CNBD1: variants seen among roughly 807,000 people sequenced by gnomAD.
The protein encoded by CNBD1 is cyclic nucleotide binding domain containing 1, also known as cyclic nucleotide-binding domain-containing protein 1.
A neutral mutation model predicts 54.4 loss-of-function variants in CNBD1; 71 were observed. The ratio of observed to expected loss-of-function variants is 1.30; its 90% confidence interval spans 1.08 to 1.59. The LOEUF (loss-of-function observed/expected upper bound fraction) is 1.59. CNBD1 is among the 40% of genes most tolerant of loss of function. The pLI is 0.00. For missense variants in CNBD1, 659 were observed against 518.0 expected, an observed-to-expected ratio of 1.27 and a Z score of -2.64; for synonymous variants, 182 against 170.7, an observed-to-expected ratio of 1.07 and a Z score of -0.51.
intron 10 of CNBD1, among the ~76,000 whole-genome samples, chr8:87,372,561 GA>G (rs1810835476): frequency 6.6e-6 from 1 of 151,890 alleles, no homozygotes; most frequent in African/African-American, 2.4e-5. Flanking sequence ...GTTCTTAGAA[GA>G]TTATGATAGG....
intron 2 of CNBD1, among the ~76,000 whole-genome samples, chr8:87,390,592 G>C (rs187963930): frequency 8.2e-5 from 12 of 147,090 alleles, no homozygotes; most frequent in South Asian, 2.1e-4. Flanking sequence ...CAGGAAACAA[G>C]AGGTGCTGGA....
intron 6 of CNBD1, among the ~76,000 whole-genome samples, chr8:87,270,010 A>G (rs1808331319): frequency 6.6e-6 from 1 of 151,996 alleles, no homozygotes; most frequent in East Asian, 1.9e-4. Context: ...GATCCTCAAC[A>G]AAAATACTAG....
intron 6 of CNBD1, among the ~76,000 whole-genome samples, chr8:87,263,449 G>A (rs1808181979): frequency 1.3e-5 from 2 of 152,010 alleles, no homozygotes; most frequent in South Asian, 2.1e-4. Flanking sequence ...GCTGGCTTTG[G>A]TTCCTTAAAG....
intron 8 of CNBD1, among the ~76,000 whole-genome samples, chr8:87,308,077 G>C (rs1018863254): frequency 6.6e-6 from 1 of 151,986 alleles, no homozygotes; most frequent in Non-Finnish European, 1.5e-5. Flanking sequence ...GCCAACAAGC[G>C]ACATTATCTT....
chr8:87,421,163 C>A (rs1339561569), intron 2 of CNBD1, among the ~76,000 whole-genome samples: 1 of 152,020 alleles, frequency 6.6e-6, no homozygotes, highest in Non-Finnish European at 1.5e-5. Flanking sequence ...CCAAATTTTA[C>A]CTTATCTCTG....
chr8:87,355,096 G>A (rs1350625318), intron 10 of CNBD1, among the ~76,000 whole-genome samples: 2 of 152,102 alleles, frequency 1.3e-5, no homozygotes, highest in African/African-American at 4.8e-5. Context: ...AAAGAGTAGA[G>A]ATATTTCACA....
intron 4 of CNBD1, among the ~76,000 whole-genome samples, chr8:87,135,590 A>G (rs1451762376): frequency 1.3e-5 from 2 of 148,292 alleles, no homozygotes; most frequent in Non-Finnish European, 3.0e-5. Flanking sequence ...TATATATGCT[A>G]TATAAACACA....
At chr8:86,924,363 G>C (rs1809324224) in intron 3 of CNBD1, among the ~76,000 whole-genome samples, 1 of 152,140 alleles carries the variant, frequency 6.6e-6, no homozygotes. Context: ...GTGGAAATGG[G>C]GTTGAAAAAG....
chr8:87,303,153 A>T (rs1040944337), intron 8 of CNBD1, among the ~76,000 whole-genome samples: 4 of 152,000 alleles, frequency 2.6e-5, no homozygotes, highest in African/African-American at 9.7e-5. Flanking sequence ...GTTCATATGG[A>T]GCCAAAAAAG....
chr8:87,330,395 G>T (rs1481211379), intron 8 of CNBD1, among the ~76,000 whole-genome samples: 1 of 151,222 alleles, frequency 6.6e-6, no homozygotes, highest in South Asian at 2.1e-4. Flanking sequence ...TGTTTACTTG[G>T]ATTAATTTCT....
intron 8 of CNBD1, among the ~76,000 whole-genome samples, chr8:87,311,532 C>A (rs1323778624): frequency 6.6e-6 from 1 of 152,086 alleles, no homozygotes; most frequent in Non-Finnish European, 1.5e-5. Context: ...CTGTGGAAAG[C>A]AGTGTGCAGA....
Position 87,160,097 on chromosome 8 carries a change from AT to A in CNBD1, c.432-45891del, listed in dbSNP as rs1392473733. On this transcript the variant is annotated intron_variant, in intron 4 of 10. Coordinates refer to ENST00000518476, the MANE Select transcript of CNBD1 (RefSeq NM_173538.3). ...TGAGTAAATTATCAAGTAAACTATA[AT>A]TTTTAATATTTGGAAGATGATTATC... 3.9e-5 allele frequency among the ~76,000 whole-genome samples: 6 copies of A among 152,112 alleles called. No homozygotes were observed. In the East Asian group the frequency reaches 1.2e-3, roughly 29 times the overall value.
At chr8:87,292,131 T>C (rs369594303) in intron 8 of CNBD1, among the ~76,000 whole-genome samples, 9 of 152,350 alleles carry the variant, frequency 5.9e-5, no homozygotes, top group African/African-American at 2.2e-4. Flanking sequence ...AATACATTTA[T>C]TGATAAATCT....
At chr8:87,004,364 G>A (rs185754397) in intron 4 of CNBD1, among the ~76,000 whole-genome samples, 7 of 152,126 alleles carry the variant, frequency 4.6e-5, no homozygotes, top group African/African-American at 1.4e-4. Flanking sequence ...AATGTGCATT[G>A]TCTTTTCCTT....
At chr8:86,994,782 T>C (rs1586186715) in intron 4 of CNBD1, among the ~76,000 whole-genome samples, 1 of 152,236 alleles carries the variant, frequency 6.6e-6, no homozygotes, top group Middle Eastern at 3.4e-3. Context: ...GAAGATCTGC[T>C]CAAAGTAGGT....
intron 2 of CNBD1, among the ~76,000 whole-genome samples, chr8:87,391,284 A>G (rs1292499722): frequency 1.3e-5 from 2 of 152,084 alleles, no homozygotes; most frequent in Non-Finnish European, 2.9e-5. Flanking sequence ...ACGATTGCAG[A>G]TACCTCAAAT....
chr8:87,054,511 A>G (rs1156386772), intron 4 of CNBD1, among the ~76,000 whole-genome samples: 4 of 152,340 alleles, frequency 2.6e-5, no homozygotes, highest in South Asian at 4.1e-4. Context: ...CTTGAAATAC[A>G]TTCTTGATTA....
chr8:87,301,169 AC>A (rs1477321435), intron 8 of CNBD1, among the ~76,000 whole-genome samples: 3 of 152,152 alleles, frequency 2.0e-5, no homozygotes, highest in African/African-American at 7.2e-5. Context: ...GATACCCTGA[AC>A]AGACTAATAA....
intron 4 of CNBD1, among the ~76,000 whole-genome samples, chr8:87,078,687 T>C (rs1810924176): frequency 6.6e-6 from 1 of 152,114 alleles, no homozygotes; most frequent in Non-Finnish European, 1.5e-5. Flanking sequence ...TTTGTTTGTG[T>C]TTAAGAGCAT....
Sources: allele counts gnomAD v4.1 joint callset (sites outside exome capture counted in the v4.1 genomes callset), GRCh38; gene constraint gnomAD v4.1.1; transcripts MANE v1.5; gene names NCBI Gene and HGNC (gene_info 2026-07-23, HGNC 2026-07-21).